ATF7: variants seen among roughly 807,000 people sequenced by gnomAD.
ATF7 encodes the protein activating transcription factor 7, also known as cyclic AMP-dependent transcription factor ATF-7.
In ATF7, 10 loss-of-function variants were observed where a neutral mutation model predicts 50.4. The observed-to-expected ratio is 0.20, with a 90% CI of 0.12 to 0.34. ATF7 has a LOEUF of 0.34. Among genes scored for constraint, ATF7 ranks in the 10% least tolerant of loss-of-function variants. ATF7 has a pLI of 1.00. For missense variants in ATF7, 465 were observed against 613.9 expected (o/e 0.76, Z 2.56); for synonymous variants, 201 against 226.4 (o/e 0.89, Z 1.01).
chr12:53,525,594 T>C (rs1190471072), intron 9 of ATF7, among the ~76,000 whole-genome samples: 1 of 152,228 alleles, frequency 6.6e-6, no homozygotes, highest in Non-Finnish European at 1.5e-5. Context: ...GATAAGTGTA[T>C]TATTTTTATT....
chr12:53,542,010 T>C (rs1939580451), intron 4 of ATF7, among the ~76,000 whole-genome samples: 1 of 151,728 alleles, frequency 6.6e-6, no homozygotes, highest in Non-Finnish European at 1.5e-5. Context: ...TTAGTAGAGA[T>C]GGGGTTTCGC....
intron 2 of ATF7, among the ~76,000 whole-genome samples, chr12:53,562,906 G>C (rs887703876): frequency 6.6e-6 from 1 of 152,142 alleles, no homozygotes; most frequent in Non-Finnish European, 1.5e-5. Context: ...TTGACTCTTG[G>C]GGGTGGGGTG....
chr12:53,619,640 T>C (rs894333260), intron 1 of ATF7, among the ~76,000 whole-genome samples: 2 of 151,776 alleles, frequency 1.3e-5, no homozygotes, highest in African/African-American at 2.4e-5. Context: ...TGGGAAACTC[T>C]GTCTCTACAA....
intron 1 of ATF7, among the ~76,000 whole-genome samples, chr12:53,624,990 C>G (rs781268312): frequency 6.6e-6 from 1 of 152,160 alleles, no homozygotes; most frequent in African/African-American, 2.4e-5. Context: ...AAACACAGGA[C>G]TCATGTGAGC....
downstream of ATF7, among the ~76,000 whole-genome samples, chr12:53,509,268 C>T (rs112232304): frequency 9.6e-3 from 1,457 of 152,244 alleles, 31 homozygotes; most frequent in African/African-American, 0.033. Context: ...TTGCATAGAA[C>T]AGGTATCCTC....
At chr12:53,602,722 T>C (rs866702657) in intron 1 of ATF7, among the ~76,000 whole-genome samples, 1 of 152,342 alleles carries the variant, frequency 6.6e-6, no homozygotes, top group Middle Eastern at 3.4e-3. Context: ...AGCTGATGAT[T>C]GGGTACTGGG....
chr12:53,597,718 A>T (rs190966396), intron 2 of ATF7, among the ~76,000 whole-genome samples: 506 of 151,482 alleles, frequency 3.3e-3, no homozygotes, highest in Non-Finnish European at 5.3e-3. Context: ...CTGAGACAGG[A>T]GAATGGCGTG....
In ATF7 at chr12:53,532,635, G is replaced by GA; in HGVS notation, c.661-13dup. 6.9e-7 allele frequency: 1 copy of GA among 1,458,408 alleles called. No individual in the cohort carries two copies. Among genetic ancestry groups the GA allele is most frequent in the Admixed American group, 2.3e-5 (1 of 42,818 alleles). 90.3% of individuals were successfully genotyped at this position (1,458,408 alleles called of 1,614,324 possible). On this transcript the variant is annotated splice_polypyrimidine_tract_variant and intron_variant, in intron 7 of 11. Coordinates refer to ENST00000420353, the MANE Select transcript of ATF7 (RefSeq NM_006856.3). The stretch of plus-strand genomic sequence containing the variant: ...ACAGGTCTGGCCAGCTGGATCGAGA[G>GA]AAGGAAAAAAAAAAAAAGAGAAGGG...
intron 3 of ATF7, among the ~76,000 whole-genome samples, chr12:53,546,192 CA>C (rs980220929): frequency 6.6e-6 from 1 of 150,988 alleles, no homozygotes; most frequent in African/African-American, 2.5e-5. Context: ...AACTCCATCT[CA>C]AAAAAACAAA....
chr12:53,594,956 C>T (rs944476265), intron 2 of ATF7, among the ~76,000 whole-genome samples: 1 of 151,564 alleles, frequency 6.6e-6, no homozygotes, highest in African/African-American at 2.4e-5. Context: ...GAGCGGTCTA[C>T]TTCCACCACA....
chr12:53,542,446 A>G (rs1341038904), intron 4 of ATF7, among the ~76,000 whole-genome samples: 2 of 150,158 alleles, frequency 1.3e-5, no homozygotes, highest in Admixed American at 1.3e-4. Flanking sequence ...AAAAAGAGAG[A>G]GATAGGGTCT....
chr12:53,625,751 C>T (rs1944579574), intron 1 of ATF7, among the ~76,000 whole-genome samples: 1 of 152,140 alleles, frequency 6.6e-6, no homozygotes, highest in Non-Finnish European at 1.5e-5. Context: ...CTACCTCCTT[C>T]CTATTACCCT....
intron 2 of ATF7, among the ~76,000 whole-genome samples, chr12:53,563,764 A>G (rs979567155): frequency 2.0e-5 from 3 of 152,270 alleles, no homozygotes; most frequent in African/African-American, 7.2e-5. Flanking sequence ...ATATAGTGAC[A>G]TAAGAGTAAC....
intron 3 of ATF7, among the ~76,000 whole-genome samples, chr12:53,545,113 G>C (rs772563199): frequency 7.2e-4 from 109 of 152,228 alleles, no homozygotes; most frequent in Non-Finnish European, 9.1e-4. Flanking sequence ...TCAGACCTTT[G>C]ATATGAGGTT....
At chr12:53,521,986 A>G (rs1024004483) in intron 11 of ATF7, among the ~76,000 whole-genome samples, 4 of 152,260 alleles carry the variant, frequency 2.6e-5, no homozygotes, top group Non-Finnish European at 5.9e-5. Context: ...AAAGTTTGAG[A>G]GCAATAGTTC....
At chr12:53,620,468 T>C (rs1314542473) in intron 1 of ATF7, among the ~76,000 whole-genome samples, 7 of 143,284 alleles carry the variant, frequency 4.9e-5, no homozygotes, top group African/African-American at 1.6e-4. Context: ...CCCAGCTACT[T>C]GGGAGGCTGA....
intron 1 of ATF7, among the ~76,000 whole-genome samples, chr12:53,612,012 G>A (rs1221842189): frequency 6.6e-6 from 1 of 152,150 alleles, no homozygotes; most frequent in African/African-American, 2.4e-5. Context: ...GTCTCGCTCT[G>A]TCACCCAGGC....
rs1229641425 is a variant in ATF7 at position 53,572,191 on chromosome 12, TGTCACTCTA to T, written c.49-19563_49-19555del. On this transcript the variant is annotated intron_variant, in intron 2 of 11. Coordinates refer to ENST00000420353, the MANE Select transcript of ATF7 (RefSeq NM_006856.3). ...CATATAAAGAGCTTAGAATAACAGTTGTCACTCTATCCTAACAACAAATAAAAAGCTGAA... is the reference window on the plus strand; with the variant it reads ...CATATAAAGAGCTTAGAATAACAGTTTCCTAACAACAAATAAAAAGCTGAA... Among the ~76,000 whole-genome samples, 6 of 152,242 alleles carry T rather than the reference TGTCACTCTA, an allele frequency of 3.9e-5. No homozygotes were observed. In the South Asian group the frequency reaches 1.0e-3, roughly 26 times the overall value.
intron 1 of ATF7, among the ~76,000 whole-genome samples, chr12:53,625,111 A>G (rs566271378): frequency 6.6e-6 from 1 of 152,296 alleles, no homozygotes; most frequent in Non-Finnish European, 1.5e-5. Context: ...TAAAGTTAGG[A>G]AAGTAGCAAC....
Sources: allele counts gnomAD v4.1 joint callset (sites outside exome capture counted in the v4.1 genomes callset), GRCh38; gene constraint gnomAD v4.1.1; transcripts MANE v1.5; gene names NCBI Gene and HGNC (gene_info 2026-07-23, HGNC 2026-07-21).